The following MYH15 variants were observed in gnomAD, a reference collection of about 807,000 sequenced individuals.
MYH15 encodes the protein myosin-15.
Under a neutral mutation model 240.5 loss-of-function variants are expected in MYH15, and 227 were observed. That is an observed-to-expected ratio of 0.94 (90% CI 0.85 to 1.05). The LOEUF (loss-of-function observed/expected upper bound fraction) is 1.05, where lower values mean the gene tolerates loss of function less well. Among genes scored for constraint, MYH15 ranks in the 50% least tolerant of loss-of-function variants. The pLI is 0.00. For synonymous variants in MYH15, 785 were observed against 796.7 expected (o/e 0.99, Z 0.25); for missense variants, 2,217 against 2,247.5 (o/e 0.99, Z 0.27).
At chr3:108,493,532 C>T (rs1252110987) in intron 7 of MYH15, among the ~76,000 whole-genome samples, 5 of 152,298 alleles carry the variant, frequency 3.3e-5, no homozygotes, top group Middle Eastern at 3.4e-3. Context: ...AAAATATTTC[C>T]TCAGCATATT....
At chr3:108,512,803 A>G (rs1023568633), upstream of MYH15, among the ~76,000 whole-genome samples, 3 of 152,190 alleles carry the variant, frequency 2.0e-5, no homozygotes, top group Non-Finnish European at 4.4e-5. Context: ...CATTTAACAT[A>G]TTTAAAGGTG....
At chr3:108,529,192 C>A (rs1208347902) in intron 1 of MYH15, 19 of 1,446,782 alleles carry the variant, frequency 1.3e-5, no homozygotes, top group African/African-American at 2.8e-5. Flanking sequence ...GAATAAAATT[C>A]TAGGCTGCTA....
chr3:108,383,724 T>C lies in MYH15; in HGVS notation c.5637A>G (p.Thr1879=). ...NYKQQVEVAE[T]QANQYLSKYK... is the part of the protein sequence containing the mutation. The stretch of plus-strand genomic sequence containing the variant: ...ACTTGGAAAGGTATTGATTGGCTTG[T>C]GTTTCCTATAAAAATAAAAAAAAAA... The change falls in exon 40 of 41, where the codon ACA becomes ACG. Residue 1879 remains threonine, a synonymous_variant. Coordinates refer to ENST00000693548, the MANE Select transcript of MYH15 (RefSeq NM_014981.3). The C allele has an allele frequency of 6.5e-7, 1 of 1,545,358 alleles. No homozygotes were observed. The highest frequency in any genetic ancestry group is 1.2e-5 in the South Asian group (1 of 80,250).
At chr3:108,388,101 G>C (rs1428874732) in intron 38 of MYH15, among the ~76,000 whole-genome samples, 1 of 152,176 alleles carries the variant, frequency 6.6e-6, no homozygotes, top group East Asian at 1.9e-4. Context: ...GCTATCATGT[G>C]CAGTGTGAGA....
In MYH15 at chr3:108,384,729, A is replaced by G; in HGVS notation, c.5589T>C (p.Leu1863=). The change falls in exon 39 of 41, where the codon CTT becomes CTC. Residue 1863 remains leucine, a synonymous_variant. Transcript: ENST00000693548. ...LSRMQTQMDK[L]QLKVQNYKQQ... ...GCTTGTAATTTTGCACTTTTAGCTGAAGTTTATCCATCTGAGTTTGCATCC... is the reference window on the plus strand; with the variant it reads ...GCTTGTAATTTTGCACTTTTAGCTGGAGTTTATCCATCTGAGTTTGCATCC... 6.2e-7 allele frequency: 1 copy of G among 1,613,804 alleles called. No individual in the cohort carries two copies. The highest frequency in any genetic ancestry group is 1.1e-5 in the South Asian group (1 of 91,062).
At chr3:108,453,150 C>A (rs1434697130) in intron 21 of MYH15, among the ~76,000 whole-genome samples, 1 of 152,044 alleles carries the variant, frequency 6.6e-6, no homozygotes, top group African/African-American at 2.4e-5. Context: ...TGGAGAAATT[C>A]AGAATCTTAC....
At chr3:108,419,924 G>T (rs544662386) in intron 28 of MYH15, among the ~76,000 whole-genome samples, 4 of 152,130 alleles carry the variant, frequency 2.6e-5, no homozygotes, top group African/African-American at 9.7e-5. Context: ...TACTAAAACT[G>T]ATTTTAGTTA....
At position 108,482,346 on chromosome 3, in the gene MYH15, T is replaced by C. The variant is rs144841963; in HGVS notation, c.1114+2745A>G. Among the ~76,000 whole-genome samples, 938 of 152,260 alleles carry C rather than the reference T, an allele frequency of 6.2e-3. 9 individuals carry two copies. Among genetic ancestry groups the C allele is most frequent in the African/African-American group, 0.018 (760 of 41,528 alleles). On this transcript the variant is annotated intron_variant, in intron 11 of 40. Coordinates refer to ENST00000693548, the MANE Select transcript of MYH15 (RefSeq NM_014981.3). ...GAGGAAAGATTCAAGGCTGGAGCCC[T>C]GAGCAGCCCTAGAGCAATTAGCAGT...
chr3:108,434,702 G>A (rs1333403507), intron 25 of MYH15, among the ~76,000 whole-genome samples: 1 of 151,870 alleles, frequency 6.6e-6, no homozygotes, highest in Non-Finnish European at 1.5e-5. Flanking sequence ...TTAATATTTT[G>A]CTTTTACAAA....
At chr3:108,534,880 T>TA in the MYH15 span, among the ~76,000 whole-genome samples, 7 of 151,868 alleles carry the variant, frequency 4.6e-5, no homozygotes, top group Admixed American at 2.6e-4. Flanking sequence ...CATTGTCTCT[T>TA]AAAAAAATCA....
chr3:108,470,200 C>G lies in MYH15; in HGVS notation c.1396G>C (p.Glu466Gln), dbSNP rs750934547. ...GFEILEYNSLEQLCINFTNEK... is the reference protein window; with the variant it reads ...GFEILEYNSLQQLCINFTNEK... ...TTGGTAAAATTAATGCAAAGTTGCT[C>G]AAGGCTATTATACTTCAAGGATATG... Residue 466 changes from glutamate (E) to glutamine (Q), a missense_variant, in exon 14 of 41, where the codon GAG (glutamate) becomes CAG (glutamine). Coordinates refer to ENST00000693548, the MANE Select transcript of MYH15 (RefSeq NM_014981.3). The G allele has an allele frequency of 1.9e-6, 3 of 1,603,510 alleles. No homozygotes were observed. The African/African-American group carries it at 4.1e-5, about 22-fold the overall frequency.
At chr3:108,483,066 C>CT (rs2083278843) in intron 11 of MYH15, among the ~76,000 whole-genome samples, 4 of 151,810 alleles carry the variant, frequency 2.6e-5, no homozygotes, top group Admixed American at 2.6e-4. Context: ...TAGTGGTGCA[C>CT]CTGTAATCCC....
intron 11 of MYH15, 150 bp downstream of exon 11, chr3:108,484,941 A>G: frequency 1.4e-6 from 1 of 724,244 alleles, no homozygotes; most frequent in African/African-American, 1.8e-5. Context: ...TTAGAATGGT[A>G]GTTGACAGAA....
upstream of MYH15, among the ~76,000 whole-genome samples, chr3:108,531,658 T>C (rs1436036319): frequency 1.3e-5 from 2 of 151,936 alleles, no homozygotes; most frequent in Non-Finnish European, 2.9e-5. Flanking sequence ...GCACCCATAG[T>C]CCCAGCTACT....
chr3:108,455,606 G>C, intron 20 of MYH15, 130 bp downstream of exon 20: 1 of 1,069,338 alleles, frequency 9.4e-7, no homozygotes, highest in Non-Finnish European at 1.4e-6. Flanking sequence ...CTTCAGCTAA[G>C]ATCTGTTTGT....
At chr3:108,486,302 C>T (rs148570913) in intron 10 of MYH15, 121 bp downstream of exon 10, 1 of 630,098 alleles carries the variant, frequency 1.6e-6, no homozygotes, top group South Asian at 2.7e-5. Flanking sequence ...ACAGAAGCAG[C>T]CCTACACCCC....
intron 28 of MYH15, 138 bp downstream of exon 28, chr3:108,420,950 G>T: frequency 8.1e-7 from 1 of 1,228,684 alleles, no homozygotes; most frequent in Non-Finnish European, 1.1e-6. Context: ...TGGCAAAGCT[G>T]TCTCAGAGGC....
intron 12 of MYH15, among the ~76,000 whole-genome samples, chr3:108,473,704 T>A (rs2083196022): frequency 1.3e-5 from 2 of 152,334 alleles, no homozygotes; most frequent in South Asian, 4.1e-4. Context: ...TTATTATTAA[T>A]CATAAAGTAA....
the MYH15 span, among the ~76,000 whole-genome samples, chr3:108,541,595 T>A: frequency 3.3e-5 from 5 of 152,102 alleles, no homozygotes; most frequent in Admixed American, 6.5e-5. Context: ...ACCATAATGG[T>A]TGAAAAACTT....
Sources: gnomAD v4.1 joint callset for allele counts (sites outside exome capture counted in the v4.1 genomes callset) on GRCh38, gnomAD v4.1.1 for gene constraint, MANE v1.5 for transcripts, NCBI Gene and HGNC (gene_info 2026-07-23, HGNC 2026-07-21) for gene names.